QKI: variants seen among roughly 807,000 people sequenced by gnomAD.
QKI encodes QKI, KH domain containing RNA binding.
A neutral mutation model predicts 39.0 loss-of-function variants in QKI; 10 were observed. That is an observed-to-expected ratio of 0.26 (90% CI 0.16 to 0.43). The LOEUF is 0.43. Among genes scored for constraint, QKI ranks in the 20% least tolerant of loss-of-function variants. The probability of loss-of-function intolerance (pLI) is 1.00; values close to 1 mark genes in which losing one functional copy is unlikely to be tolerated. For missense variants in QKI, 218 were observed against 428.0 expected, an observed-to-expected ratio of 0.51 and a Z score of 4.33; for synonymous variants, 204 against 155.4, an observed-to-expected ratio of 1.31 and a Z score of -2.33.
chr6:163,482,567 GCAAGTCC>G (rs1793155897), intron 3 of QKI, among the ~76,000 whole-genome samples: 1 of 152,090 alleles, frequency 6.6e-6, no homozygotes, highest in Admixed American at 6.5e-5. Flanking sequence ...GTGTTTTTTT[GCAAGTCC>G]CTCGTCGGGT....
intron 1 of QKI, among the ~76,000 whole-genome samples, chr6:163,448,465 C>T (rs1339246805): frequency 1.3e-5 from 2 of 151,656 alleles, no homozygotes; most frequent in Non-Finnish European, 2.9e-5. Flanking sequence ...CAGTGGCTCA[C>T]GCCTGTAATC....
At chr6:163,463,205 C>G (rs1020786352) in intron 2 of QKI, among the ~76,000 whole-genome samples, 2 of 152,074 alleles carry the variant, frequency 1.3e-5, no homozygotes, top group South Asian at 2.1e-4. Flanking sequence ...TTCTTGTTAT[C>G]AGGGTATATG....
At chr6:163,531,760 C>A (rs182935798) in intron 3 of QKI, among the ~76,000 whole-genome samples, 4 of 152,266 alleles carry the variant, frequency 2.6e-5, no homozygotes, top group Admixed American at 6.5e-5. Flanking sequence ...CTGCCTCGGC[C>A]CCCCCAAAGT....
chr6:163,512,930 ATG>A (rs1002414183), intron 3 of QKI, among the ~76,000 whole-genome samples: 7 of 152,118 alleles, frequency 4.6e-5, no homozygotes, highest in Non-Finnish European at 7.4e-5. Flanking sequence ...TAAATAGAAA[ATG>A]TATTGAAAAT....
intron 3 of QKI, among the ~76,000 whole-genome samples, chr6:163,502,716 G>A (rs1778849523): frequency 6.6e-6 from 1 of 152,114 alleles, no homozygotes; most frequent in Admixed American, 6.5e-5. Context: ...GGTATTCCAT[G>A]GTATGTATTT....
At chr6:163,472,696 C>T (rs1050301351) in intron 2 of QKI, among the ~76,000 whole-genome samples, 1 of 152,100 alleles carries the variant, frequency 6.6e-6, no homozygotes, top group Non-Finnish European at 1.5e-5. Context: ...TTGCTGATTA[C>T]ACTGTAGGAA....
intron 2 of QKI, among the ~76,000 whole-genome samples, chr6:163,476,651 T>A (rs1792627809): frequency 6.6e-6 from 1 of 152,202 alleles, no homozygotes; most frequent in Admixed American, 6.5e-5. Flanking sequence ...GATGGTCGCT[T>A]GTTCTGTGTA....
At chr6:163,420,184 T>TC (rs1787886178) in intron 1 of QKI, among the ~76,000 whole-genome samples, 1 of 147,858 alleles carries the variant, frequency 6.8e-6, no homozygotes, top group African/African-American at 2.5e-5. Context: ...GTGGTTTTTT[T>TC]CTTTCCTTTT....
chr6:163,436,326 G>A (rs1010147707), intron 1 of QKI, among the ~76,000 whole-genome samples: 1 of 152,160 alleles, frequency 6.6e-6, no homozygotes, highest in African/African-American at 2.4e-5. Flanking sequence ...GTAGTTTTGG[G>A]CAGCATGGTA....
chr6:163,495,830 C>T (rs957510071), intron 3 of QKI, among the ~76,000 whole-genome samples: 2 of 152,124 alleles, frequency 1.3e-5, no homozygotes, highest in Admixed American at 6.6e-5. Flanking sequence ...TCCTTCTCAG[C>T]CATCACATTA....
At chr6:163,553,606 A>G (rs959287263) in intron 4 of QKI, among the ~76,000 whole-genome samples, 2 of 152,264 alleles carry the variant, frequency 1.3e-5, no homozygotes, top group East Asian at 1.9e-4. Context: ...TGTGAATCAT[A>G]TAAATCCTTC....
chr6:163,483,416 G>GTCC (rs1177859677), intron 3 of QKI, among the ~76,000 whole-genome samples: 1 of 152,140 alleles, frequency 6.6e-6, no homozygotes, highest in Non-Finnish European at 1.5e-5. Flanking sequence ...TCTCTAGCAT[G>GTCC]CAGTGCTTTT....
chr6:163,469,027 C>T (rs1583043190), intron 2 of QKI, among the ~76,000 whole-genome samples: 1 of 151,726 alleles, frequency 6.6e-6, no homozygotes, highest in African/African-American at 2.4e-5. Context: ...TTTGTGGCTT[C>T]TTGGGGCAAT....
At chr6:163,567,836 T>A (rs1783459245) in intron 7 of QKI, 1 of 984,774 alleles carries the variant, frequency 1.0e-6, no homozygotes, top group South Asian at 4.7e-5. Context: ...GTACTTCAAT[T>A]GTACATCTTC....
chr6:163,495,312 A>G lies in QKI; in HGVS notation c.402+16416A>G, dbSNP rs1737608. Among the ~76,000 whole-genome samples, 972 of 152,276 alleles carry G rather than the reference A, an allele frequency of 6.4e-3. 2 individuals carry two copies. The highest frequency in any genetic ancestry group is 0.01 in the Non-Finnish European group (700 of 68,016). On this transcript the variant is annotated intron_variant, in intron 3 of 7. Coordinates refer to ENST00000361752, the MANE Select transcript of QKI (RefSeq NM_006775.3). ...AGAGGTTTGTGGGAACCAACCCTGT[A>G]TTTCCTTGAGGAGCAGTATTGGCTA...
intron 3 of QKI, among the ~76,000 whole-genome samples, chr6:163,527,989 G>A (rs547098168): frequency 3.3e-5 from 5 of 152,212 alleles, no homozygotes; most frequent in African/African-American, 2.4e-5. Flanking sequence ...TTTGATAGGT[G>A]AGTCTCTCAT....
chr6:163,417,472 G>A (rs1278348036), intron 1 of QKI, among the ~76,000 whole-genome samples: 1 of 152,042 alleles, frequency 6.6e-6, no homozygotes, highest in East Asian at 1.9e-4. Flanking sequence ...GTTTTAAAAG[G>A]CTTCTTGTGC....
chr6:163,457,586 C>T (rs1284209087), intron 2 of QKI: 1 of 377,306 alleles, frequency 2.7e-6, no homozygotes, highest in African/African-American at 2.1e-5. Context: ...CCTGTTAAGC[C>T]CTGTAGATAA....
At chr6:163,531,477 CA>C (rs1158914985) in intron 3 of QKI, among the ~76,000 whole-genome samples, 6 of 152,172 alleles carry the variant, frequency 3.9e-5, no homozygotes, top group Admixed American at 6.5e-5. Flanking sequence ...TCTAGTCCTG[CA>C]ATCTCAGCCC....
Sources: gnomAD v4.1 joint callset for allele counts (sites outside exome capture counted in the v4.1 genomes callset) on GRCh38, gnomAD v4.1.1 for gene constraint, MANE v1.5 for transcripts, NCBI Gene and HGNC (gene_info 2026-07-23, HGNC 2026-07-21) for gene names.